The following PLCXD1 variants were observed in gnomAD, a reference collection of about 807,000 sequenced individuals.
PLCXD1 encodes PI-PLC X domain-containing protein 1.
In PLCXD1, 45 loss-of-function variants were observed where a neutral mutation model predicts 37.8. The ratio of observed to expected loss-of-function variants is 1.19; its 90% confidence interval spans 0.94 to 1.53. PLCXD1 has a LOEUF of 1.53. Among genes scored for constraint, PLCXD1 ranks in the 40% most tolerant of loss-of-function variants. The probability of loss-of-function intolerance (pLI) is 0.00; values close to 1 mark genes in which losing one functional copy is unlikely to be tolerated. For synonymous variants in PLCXD1, 246 were observed against 206.9 expected (o/e 1.19, Z -1.62); for missense variants, 539 against 454.7 (o/e 1.19, Z -1.69).
intron 5 of PLCXD1, among the ~76,000 whole-genome samples, chrX:292,076 C>G (rs1362745193): frequency 6.6e-6 from 1 of 150,548 alleles, no homozygotes; most frequent in Non-Finnish European, 1.5e-5. Context: ...CCGAGGCGGG[C>G]GGATCACGAG....
intron 3 of PLCXD1, among the ~76,000 whole-genome samples, chrX:289,626 C>A (rs1487090973): frequency 6.6e-6 from 1 of 150,436 alleles, no homozygotes; most frequent in Non-Finnish European, 1.5e-5. Context: ...ATTCTCCTGT[C>A]TCAGCCTCCT....
intron 2 of PLCXD1, among the ~76,000 whole-genome samples, chrX:286,980 G>A (rs1405055301): frequency 6.6e-6 from 1 of 151,856 alleles, no homozygotes; most frequent in Non-Finnish European, 1.5e-5. Context: ...ATTTAAAGGG[G>A]GTCCACGTTC....
intron 6 of PLCXD1, among the ~76,000 whole-genome samples, chrX:296,706 C>T (rs1482378352): frequency 1.3e-5 from 2 of 152,122 alleles, no homozygotes; most frequent in Non-Finnish European, 2.9e-5. Flanking sequence ...GACTTAGTGC[C>T]CAAGACAACA....
intron 2 of PLCXD1, among the ~76,000 whole-genome samples, chrX:285,133 C>A (rs778479902): frequency 0.05 from 3,115 of 62,168 alleles, 109 homozygotes; most frequent in African/African-American, 0.26. Context: ...TGCGCACACA[C>A]ATACATGCAT....
chrX:277,000 G>T (rs1425178083), upstream of PLCXD1, among the ~76,000 whole-genome samples: 1 of 152,184 alleles, frequency 6.6e-6, no homozygotes, highest in Non-Finnish European at 1.5e-5. Flanking sequence ...TCCGTCATCT[G>T]CGCTGTCCCG....
intron 6 of PLCXD1, 22 bp downstream of exon 6, chrX:293,240 G>C (rs2069696754): frequency 1.9e-6 from 3 of 1,594,718 alleles, no homozygotes; most frequent in African/African-American, 1.3e-5. Context: ...CCCCTCGTGG[G>C]GGTAGATTCC....
intron 2 of PLCXD1, 95 bp downstream of exon 2, chrX:284,409 C>A: frequency 1.4e-6 from 2 of 1,416,930 alleles, no homozygotes; most frequent in South Asian, 1.2e-5. Flanking sequence ...AGTGGGGACG[C>A]TGGCTGTAGG....
At chrX:292,320 G>A (rs191158809) in intron 5 of PLCXD1, among the ~76,000 whole-genome samples, 26 of 152,080 alleles carry the variant, frequency 1.7e-4, no homozygotes, top group South Asian at 6.2e-4. Context: ...TTAGCCGGGC[G>A]TGGTGGCGGG....
At chrX:287,989 T>C (rs2069511032) in intron 2 of PLCXD1, among the ~76,000 whole-genome samples, 1 of 147,562 alleles carries the variant, frequency 6.8e-6, no homozygotes, top group East Asian at 1.9e-4. Context: ...CCTGAGGCTC[T>C]AGGGGAGGGT....
intron 1 of PLCXD1, among the ~76,000 whole-genome samples, chrX:282,612 G>T (rs2069304745): frequency 6.6e-6 from 1 of 151,302 alleles, no homozygotes; most frequent in African/African-American, 2.4e-5. Context: ...GGCTGAGGCA[G>T]GAGAATTGCT....
chrX:288,765 A>C lies in PLCXD1; in HGVS notation c.160A>C (p.Lys54Gln), dbSNP rs773388530. The change falls in exon 3 of 7, where the codon AAG becomes CAG. Residue 54 changes from lysine (K) to glutamine (Q), a missense_variant. Lys to Gln is a moderately conservative substitution (Grantham distance 53). Transcript: ENST00000381657. ...CGACACGATGACGTACTGCCTGAAC[A>C]AGAAGTCCCCCATTTCGCACGAGGA... Reference protein sequence around the residue: ...SHDTMTYCLNKKSPISHEESR... With the variant: ...SHDTMTYCLNQKSPISHEESR... 1.4e-5 allele frequency: 22 copies of C among 1,613,796 alleles called. 1 individual carries two copies. The highest frequency in any genetic ancestry group is 8.3e-5 in the Admixed American group (5 of 60,002).
intron 4 of PLCXD1, among the ~76,000 whole-genome samples, chrX:291,216 G>A (rs1413058233): frequency 6.6e-6 from 1 of 151,354 alleles, no homozygotes; most frequent in Admixed American, 6.6e-5. Flanking sequence ...TGCAATCTCA[G>A]CTCACTGCAA....
At chrX:280,149 G>T (rs1339794393), upstream of PLCXD1, among the ~76,000 whole-genome samples, 1 of 152,172 alleles carries the variant, frequency 6.6e-6, no homozygotes, top group Non-Finnish European at 1.5e-5. Context: ...GAGCCAGCGG[G>T]CCCCGCCCAG....
In PLCXD1 at chrX:288,803, G is replaced by C. The variant is rs149312700; in HGVS notation, c.198G>C (p.Leu66=). Residue 66 remains leucine (L), a synonymous_variant, in exon 3 of 7, where the codon CTG becomes CTC. Coordinates refer to ENST00000381657, the MANE Select transcript of PLCXD1 (RefSeq NM_018390.4). ...SPISHEESRL[L]QLLNKALPCI... ...TTTCGCACGAGGAGTCCCGGCTGCT[G>C]CAGCTGCTGAACAAGGCCTTGCCCT... 3.1e-6 allele frequency: 5 copies of C among 1,613,580 alleles called. 1 individual carries two copies. The South Asian group carries it at 5.5e-5, about 18-fold the overall frequency.
rs1395524911 is a variant in PLCXD1, at chrX:300,425, G to GGT, written c.*1095_*1096dup. Reference sequence around the variant, plus strand: ...CTGTGTGTATATATGTGTATATATCGGTGTGTATATATGTATGTATGTTTA... The same window carrying GGT: ...CTGTGTGTATATATGTGTATATATCGGTGTGTGTATATATGTATGTATGTTTA... On this transcript the variant is annotated 3_prime_UTR_variant, in exon 7 of 7. Coordinates refer to ENST00000381657, the MANE Select transcript of PLCXD1 (RefSeq NM_018390.4). 2 of 122,112 alleles carry GGT rather than the reference G, an allele frequency of 1.6e-5. No individual in the cohort carries two copies. Among genetic ancestry groups the GGT allele is most frequent in the African/African-American group, 6.0e-5 (2 of 33,474 alleles). 7.6% of individuals were successfully genotyped at this position (122,112 alleles called of 1,614,324 possible).
In PLCXD1 at chrX:300,476, GTGTATATGTGTGTATGTGTGTATATA is replaced by G. The variant is rs1569339684; in HGVS notation, c.*1154_*1179del. On this transcript the variant is annotated 3_prime_UTR_variant, in exon 7 of 7. Transcript: ENST00000381657. ...TACATGTGTATATGTGTGTGTGTGT[GTGTATATGTGTGTATGTGTGTATATA>G]TGTATATGTGTGCATATGTGTATAC... 7.2e-6 allele frequency: 1 copy of G among 138,768 alleles called. No homozygotes were observed. Among genetic ancestry groups the G allele is most frequent in the Non-Finnish European group, 1.6e-5 (1 of 64,364 alleles). 8.6% of individuals were successfully genotyped at this position (138,768 alleles called of 1,614,324 possible). A position where few individuals can be genotyped will look rare whatever the true frequency, so the allele number is the denominator to read the frequency against.
intron 6 of PLCXD1, among the ~76,000 whole-genome samples, chrX:296,594 G>A (rs1405040223): frequency 6.6e-6 from 1 of 152,204 alleles, no homozygotes; most frequent in Non-Finnish European, 1.5e-5. Flanking sequence ...GCAGATGTAG[G>A]TGGAGCCCCC....
intron 2 of PLCXD1, among the ~76,000 whole-genome samples, chrX:285,175 T>C (rs1475100277): frequency 3.3e-5 from 5 of 151,580 alleles, no homozygotes; most frequent in Non-Finnish European, 7.4e-5. Flanking sequence ...CATATGCACA[T>C]GGATGCATAT....
chrX:295,171 G>GA (rs931172160), intron 6 of PLCXD1, among the ~76,000 whole-genome samples: 2,595 of 137,660 alleles, frequency 0.019, 61 homozygotes, highest in African/African-American at 0.06. Context: ...TCCATCTTGG[G>GA]AAAAAAAAAA....
Sources: gnomAD v4.1 joint callset for allele counts (sites outside exome capture counted in the v4.1 genomes callset) on GRCh38, gnomAD v4.1.1 for gene constraint, MANE v1.5 for transcripts, NCBI Gene and HGNC (gene_info 2026-07-23, HGNC 2026-07-21) for gene names.